FHIT: variants seen among roughly 807,000 people sequenced by gnomAD.
FHIT encodes fragile histidine triad diadenosine triphosphatase.
Under a neutral mutation model 17.9 loss-of-function variants are expected in FHIT, and 19 were observed. The observed-to-expected ratio is 1.06, with a 90% confidence interval of 0.74 to 1.56. The LOEUF is 1.56. FHIT is among the 40% of genes most tolerant of loss of function. The pLI is 0.00. For synonymous variants in FHIT, 81 were observed against 69.7 expected, an observed-to-expected ratio of 1.16 and a Z score of -0.81; for missense variants, 248 against 189.2, an observed-to-expected ratio of 1.31 and a Z score of -1.82.
chr3:60,643,400 A>C (rs929347483), intron 4 of FHIT, among the ~76,000 whole-genome samples: 1 of 152,288 alleles, frequency 6.6e-6, no homozygotes, highest in East Asian at 1.9e-4. Context: ...TAGAAAAAAC[A>C]ATCCTAAAAT....
chr3:60,751,279 G>A (rs782478739), intron 4 of FHIT, among the ~76,000 whole-genome samples: 3 of 152,222 alleles, frequency 2.0e-5, no homozygotes, highest in Non-Finnish European at 4.4e-5. Context: ...GGAGGAAACT[G>A]AGGAACAGAG....
chr3:60,890,717 T>A (rs1553760462), intron 3 of FHIT, among the ~76,000 whole-genome samples: 1 of 152,204 alleles, frequency 6.6e-6, no homozygotes, highest in East Asian at 1.9e-4. Context: ...TGAACTGCTC[T>A]AGTTTTCCCA....
intron 8 of FHIT, among the ~76,000 whole-genome samples, chr3:59,904,115 A>T (rs754652934): frequency 2.8e-5 from 4 of 145,400 alleles, no homozygotes; most frequent in Non-Finnish European, 6.0e-5. Context: ...CAGTTGTTCT[A>T]AAGGGGCTAT....
At chr3:61,047,045 G>A (rs1450611289) in intron 2 of FHIT, among the ~76,000 whole-genome samples, 1 of 152,144 alleles carries the variant, frequency 6.6e-6, no homozygotes, top group Admixed American at 6.6e-5. Context: ...CATACCGAAT[G>A]GGCAAAAGCT....
intron 5 of FHIT, among the ~76,000 whole-genome samples, chr3:60,181,605 G>A (rs1371607831): frequency 6.6e-6 from 1 of 152,200 alleles, no homozygotes; most frequent in African/African-American, 2.4e-5. Flanking sequence ...GACCAGAGTA[G>A]AGTTTAGGTT....
intron 5 of FHIT, among the ~76,000 whole-genome samples, chr3:60,365,377 G>A (rs1474955468): frequency 6.6e-6 from 1 of 151,946 alleles, no homozygotes; most frequent in African/African-American, 2.4e-5. Context: ...AAAAAGGAAA[G>A]TTGTTTTTCA....
At chr3:60,607,191 G>C (rs1441038145) in intron 4 of FHIT, among the ~76,000 whole-genome samples, 1 of 151,974 alleles carries the variant, frequency 6.6e-6, no homozygotes, top group Non-Finnish European at 1.5e-5. Context: ...CACCACTAAA[G>C]CCCTTCTCCC....
intron 4 of FHIT, among the ~76,000 whole-genome samples, chr3:60,694,377 C>G (rs2041066374): frequency 6.6e-6 from 1 of 151,966 alleles, no homozygotes; most frequent in Non-Finnish European, 1.5e-5. Context: ...TCACCTCACA[C>G]CAGTTAGAAT....
chr3:60,513,743 C>T (rs2035034529), intron 5 of FHIT, among the ~76,000 whole-genome samples: 1 of 142,784 alleles, frequency 7.0e-6, no homozygotes, highest in African/African-American at 2.7e-5. Context: ...GGTGAGGGTT[C>T]TACTCTCAAG....
chr3:61,202,317 G>A (rs999496903), intron 1 of FHIT, among the ~76,000 whole-genome samples: 13 of 151,006 alleles, frequency 8.6e-5, no homozygotes, highest in East Asian at 7.8e-4. Context: ...AGTGAGGAGC[G>A]CCTCTGCTCG....
At chr3:60,828,351 TA>T (rs1559753868) in intron 3 of FHIT, among the ~76,000 whole-genome samples, 3 of 152,188 alleles carry the variant, frequency 2.0e-5, no homozygotes, top group African/African-American at 7.2e-5. Context: ...TTTAATCCAT[TA>T]TTCAATTTTC....
At chr3:60,077,686 TCACACACACACACA>T (rs35531886) in intron 5 of FHIT, among the ~76,000 whole-genome samples, 42 of 110,368 alleles carry the variant, frequency 3.8e-4, no homozygotes, top group East Asian at 1.2e-3. Context: ...CGATTTTACT[TCACACACACACACA>T]CACACACACA....
chr3:60,867,154 A>C (rs1704201981), intron 3 of FHIT, among the ~76,000 whole-genome samples: 1 of 152,194 alleles, frequency 6.6e-6, no homozygotes, highest in Non-Finnish European at 1.5e-5. Context: ...GTATTTGTGG[A>C]ATAAATTAAA....
At chr3:59,765,807 G>C (rs1279466591) in intron 8 of FHIT, among the ~76,000 whole-genome samples, 1 of 152,164 alleles carries the variant, frequency 6.6e-6, no homozygotes, top group Non-Finnish European at 1.5e-5. Flanking sequence ...GATTAAAATA[G>C]ATAGAATCTA....
chr3:60,260,786 G>C (rs183265525), intron 5 of FHIT, among the ~76,000 whole-genome samples: 1 of 151,996 alleles, frequency 6.6e-6, no homozygotes, highest in Non-Finnish European at 1.5e-5. Flanking sequence ...ATGCAGATGC[G>C]TAAAGAAGCT....
At chr3:60,203,660 A>T (rs1349109899) in intron 5 of FHIT, among the ~76,000 whole-genome samples, 2 of 152,226 alleles carry the variant, frequency 1.3e-5, no homozygotes, top group African/African-American at 4.8e-5. Flanking sequence ...GATCTTTAAG[A>T]ACACAAAAAC....
At chr3:59,930,999 T>G (rs768436819) in intron 7 of FHIT, among the ~76,000 whole-genome samples, 11 of 152,164 alleles carry the variant, frequency 7.2e-5, no homozygotes, top group African/African-American at 9.7e-5. Flanking sequence ...TTTGACTGAG[T>G]CAATTCCTTA....
chr3:59,963,743 C>T (rs936899757), intron 7 of FHIT, among the ~76,000 whole-genome samples: 1 of 152,098 alleles, frequency 6.6e-6, no homozygotes, highest in African/African-American at 2.4e-5. Context: ...TCTTTGACTC[C>T]AAGAAGAATT....
At chr3:60,377,187 C>T (rs1288244177) in intron 5 of FHIT, among the ~76,000 whole-genome samples, 1 of 148,160 alleles carries the variant, frequency 6.7e-6, no homozygotes, top group South Asian at 2.1e-4. Context: ...TTACATGCAA[C>T]AGAGAAAGCC....
Sources: allele counts gnomAD v4.1 joint callset (sites outside exome capture counted in the v4.1 genomes callset), GRCh38; gene constraint gnomAD v4.1.1; transcripts MANE v1.5; gene names NCBI Gene and HGNC (gene_info 2026-07-23, HGNC 2026-07-21).